SCUBE2: variants seen among roughly 807,000 people sequenced by gnomAD.
SCUBE2 encodes the protein signal peptide, CUB domain and EGF like domain containing 2.
Under a neutral mutation model 125.9 loss-of-function variants are expected in SCUBE2, and 114 were observed. That is an observed-to-expected ratio of 0.91 (90% confidence interval 0.78 to 1.06). The LOEUF is 1.06. Among genes scored for constraint, SCUBE2 ranks in the 50% least tolerant of loss-of-function variants. The pLI, the probability that SCUBE2 is intolerant of heterozygous loss-of-function variation, is 0.00. For synonymous variants in SCUBE2, 459 were observed against 492.9 expected (o/e 0.93, Z 0.91); for missense variants, 1,255 against 1,301.8 (o/e 0.96, Z 0.55).
chr11:9,049,355 C>T (rs1293679256), intron 14 of SCUBE2, among the ~76,000 whole-genome samples: 4 of 152,118 alleles, frequency 2.6e-5, no homozygotes, highest in Admixed American at 6.5e-5. Flanking sequence ...GTGATCCGCC[C>T]GCCTTGGCCT....
At position 9,045,610 on chromosome 11, in the gene SCUBE2, G is replaced by GACAC. The variant is rs72142315; in HGVS notation, c.2002+1742_2002+1745dup. Among the ~76,000 whole-genome samples, 431 of 99,206 alleles carry GACAC rather than the reference G, an allele frequency of 4.3e-3. 2 individuals carry two copies. Among genetic ancestry groups the GACAC allele is most frequent in the South Asian group, 0.018 (64 of 3,548 alleles). The allele number at this position is 99,206 out of a possible 152,430, so 65.1% of individuals were successfully genotyped here. A position where few individuals can be genotyped will look rare whatever the true frequency, so the allele number is the denominator to read the frequency against. On this transcript the variant is annotated intron_variant, in intron 16 of 22. Transcript: ENST00000649792. Reference sequence around the variant, plus strand: ...ACCAGGACTAGAAGACAGACAGACAGACACACACACACACACACACACACA... The same window carrying GACAC: ...ACCAGGACTAGAAGACAGACAGACAGACACACACACACACACACACACACACACA...
At chr11:9,072,347 T>C in intron 4 of SCUBE2, among the ~76,000 whole-genome samples, 1 of 152,200 alleles carries the variant, frequency 6.6e-6, no homozygotes, top group South Asian at 2.1e-4. Flanking sequence ...TAGCTGGGAC[T>C]AGAGGCGCCC....
chr11:9,073,685 G>T (rs999276377), intron 4 of SCUBE2, among the ~76,000 whole-genome samples: 1 of 152,170 alleles, frequency 6.6e-6, no homozygotes, highest in East Asian at 1.9e-4. Flanking sequence ...ATAGGCAGAT[G>T]CAACTCCAAG....
intron 21 of SCUBE2, 59 bp downstream of exon 21, chr11:9,025,643 C>T (rs752366255): frequency 1.7e-5 from 27 of 1,572,434 alleles, no homozygotes; most frequent in East Asian, 4.6e-5. Context: ...CAGCTGGCTC[C>T]GAAGTTGGCT....
chr11:9,062,188 C>G (rs1011437313), intron 7 of SCUBE2, among the ~76,000 whole-genome samples: 1 of 152,198 alleles, frequency 6.6e-6, no homozygotes, highest in Non-Finnish European at 1.5e-5. Flanking sequence ...ACTCCTTCAG[C>G]TCCCTACTGG....
chr11:9,044,686 C>T (rs973599934), intron 16 of SCUBE2, among the ~76,000 whole-genome samples: 27 of 152,314 alleles, frequency 1.8e-4, no homozygotes, highest in African/African-American at 6.3e-4. Context: ...CAGGGTCCTC[C>T]CTGGTTTCGA....
At chr11:9,081,603 T>G (rs1042795002) in intron 2 of SCUBE2, among the ~76,000 whole-genome samples, 5 of 152,074 alleles carry the variant, frequency 3.3e-5, no homozygotes, top group Admixed American at 6.6e-5. Context: ...GAGGATCGCT[T>G]GAGACCAGGA....
intron 4 of SCUBE2, among the ~76,000 whole-genome samples, chr11:9,069,778 G>T (rs917976822): frequency 6.6e-6 from 1 of 152,186 alleles, no homozygotes; most frequent in African/African-American, 2.4e-5. Context: ...AGAGCCTGCT[G>T]ACCCCAGGAA....
chr11:9,073,045 C>T (rs1282024796), intron 4 of SCUBE2, among the ~76,000 whole-genome samples: 3 of 152,164 alleles, frequency 2.0e-5, no homozygotes, highest in African/African-American at 7.2e-5. Context: ...ATGGCTTTAA[C>T]CTGCAGTTCC....
intron 13 of SCUBE2, among the ~76,000 whole-genome samples, chr11:9,051,545 G>A (rs1858417639): frequency 6.6e-6 from 1 of 152,164 alleles, no homozygotes; most frequent in Non-Finnish European, 1.5e-5. Flanking sequence ...AGCCTGATGT[G>A]CAAAATTCTG....
chr11:9,039,511 G>A (rs753128507), intron 16 of SCUBE2, among the ~76,000 whole-genome samples: 8 of 152,156 alleles, frequency 5.3e-5, no homozygotes, highest in Non-Finnish European at 1.0e-4. Flanking sequence ...AGTTTGAGAT[G>A]CCAGTTGGCC....
chr11:9,041,380 C>G (rs1857226373), intron 16 of SCUBE2, among the ~76,000 whole-genome samples: 1 of 152,030 alleles, frequency 6.6e-6, no homozygotes, highest in South Asian at 2.1e-4. Context: ...GTAAGGTCAC[C>G]AAGGAGAGTG....
At chr11:9,081,718 GC>G in intron 2 of SCUBE2, among the ~76,000 whole-genome samples, 1 of 152,136 alleles carries the variant, frequency 6.6e-6, no homozygotes, top group South Asian at 2.1e-4. Flanking sequence ...AACACATGTT[GC>G]TTATCCACTC....
At chr11:9,082,077 T>G (rs1324696184) in intron 2 of SCUBE2, among the ~76,000 whole-genome samples, 1 of 152,230 alleles carries the variant, frequency 6.6e-6, no homozygotes, top group African/African-American at 2.4e-5. Flanking sequence ...TGCGTTTCCC[T>G]AATCATCAGA....
At chr11:9,080,464 C>T (rs1861541292) in intron 2 of SCUBE2, among the ~76,000 whole-genome samples, 1 of 152,002 alleles carries the variant, frequency 6.6e-6, no homozygotes, top group South Asian at 2.1e-4. Context: ...ACCTGGGCAA[C>T]ATAGTGAGAC....
At position 9,088,637 on chromosome 11, in the gene SCUBE2, C is replaced by T. The variant is rs568991071; in HGVS notation, c.256+1070G>A. 2.0e-5 allele frequency among the ~76,000 whole-genome samples: 3 copies of T among 152,300 alleles called. No homozygotes were observed. In the South Asian group the frequency reaches 6.2e-4, roughly 32 times the overall value. On this transcript the variant is annotated intron_variant, in intron 2 of 22. Transcript: ENST00000649792. ...AAGATCAATTCCCATGGGAGTTAAG[C>T]CCAAGTTCTAAAGAGTTTAAAACCT...
chr11:9,045,016 T>C (rs1590047783), intron 16 of SCUBE2, among the ~76,000 whole-genome samples: 1 of 152,298 alleles, frequency 6.6e-6, no homozygotes, highest in East Asian at 1.9e-4. Context: ...TGTCGCCCTC[T>C]GCTACATGAT....
chr11:9,078,530 G>A (rs1325959498), intron 3 of SCUBE2, among the ~76,000 whole-genome samples: 1 of 152,146 alleles, frequency 6.6e-6, no homozygotes, highest in Non-Finnish European at 1.5e-5. Flanking sequence ...TTTAATCAAA[G>A]GGCCATTCCT....
At chr11:9,030,099 C>A in intron 18 of SCUBE2, 54 bp from the exon 19 acceptor site, 2 of 1,565,152 alleles carry the variant, frequency 1.3e-6, no homozygotes, top group Non-Finnish European at 1.7e-6. Context: ...TATTTTTAAT[C>A]AAATGCAGCA....
Sources: gnomAD v4.1 joint callset for allele counts (sites outside exome capture counted in the v4.1 genomes callset) on GRCh38, gnomAD v4.1.1 for gene constraint, MANE v1.5 for transcripts, NCBI Gene and HGNC (gene_info 2026-07-23, HGNC 2026-07-21) for gene names.